Variants in CNTNAP4 observed in about 807,000 individuals in gnomAD.
The protein encoded by CNTNAP4 is contactin-associated protein-like 4.
Under a neutral mutation model 148.4 loss-of-function variants are expected in CNTNAP4, and 98 were observed. The ratio of observed to expected loss-of-function variants is 0.66; its 90% CI spans 0.56 to 0.78. The LOEUF is 0.78. Among genes scored for constraint, CNTNAP4 ranks in the 30% least tolerant of loss-of-function variants. The pLI is 0.00. For synonymous variants in CNTNAP4, 730 were observed against 565.1 expected, an observed-to-expected ratio of 1.29 and a Z score of -4.14; for missense variants, 1,935 against 1,565.6, an observed-to-expected ratio of 1.24 and a Z score of -3.98.
intron 21 of CNTNAP4, among the ~76,000 whole-genome samples, chr16:76,546,108 G>A (rs1041872357): frequency 8.5e-5 from 13 of 152,128 alleles, no homozygotes; most frequent in African/African-American, 2.9e-4. Context: ...AGGCACTGAT[G>A]ATAATATGTG....
chr16:76,492,821 A>C (rs1203827044), intron 13 of CNTNAP4, among the ~76,000 whole-genome samples: 1 of 152,174 alleles, frequency 6.6e-6, no homozygotes, highest in Non-Finnish European at 1.5e-5. Flanking sequence ...GAGTCCATCA[A>C]ACCTCTTTTC....
intron 3 of CNTNAP4, among the ~76,000 whole-genome samples, chr16:76,413,360 A>G (rs552114243): frequency 1.3e-5 from 2 of 151,364 alleles, no homozygotes; most frequent in Admixed American, 1.3e-4. Context: ...TCCAATGTGG[A>G]TATCCAATTT....
chr16:76,361,964 A>G (rs1189620413), intron 3 of CNTNAP4, among the ~76,000 whole-genome samples: 1 of 152,150 alleles, frequency 6.6e-6, no homozygotes, highest in Non-Finnish European at 1.5e-5. Context: ...GGTTATGTGT[A>G]TATCTTCTTT....
At chr16:76,407,277 C>T (rs565563155) in intron 3 of CNTNAP4, among the ~76,000 whole-genome samples, 1 of 152,200 alleles carries the variant, frequency 6.6e-6, no homozygotes, top group East Asian at 1.9e-4. Flanking sequence ...GCCTTGGCCT[C>T]CCAAAGTGCT....
chr16:76,418,833 T>A (rs1057387237), intron 3 of CNTNAP4, among the ~76,000 whole-genome samples: 2 of 151,938 alleles, frequency 1.3e-5, no homozygotes, highest in African/African-American at 4.8e-5. Context: ...GTTGTTAGTA[T>A]GAAGATTTAC....
intron 23 of CNTNAP4, among the ~76,000 whole-genome samples, chr16:76,554,760 A>G (rs2085120270): frequency 6.6e-6 from 1 of 151,736 alleles, no homozygotes; most frequent in Non-Finnish European, 1.5e-5. Context: ...ATGATTATTC[A>G]TATATGAAAT....
At chr16:76,444,550 T>A (rs2080165453) in intron 4 of CNTNAP4, among the ~76,000 whole-genome samples, 2 of 151,670 alleles carry the variant, frequency 1.3e-5, no homozygotes, top group Admixed American at 1.3e-4. Context: ...AGAATTGAAA[T>A]GCTCCTTCTC....
At chr16:76,551,947 G>A (rs1269450666) in intron 21 of CNTNAP4, among the ~76,000 whole-genome samples, 5 of 152,124 alleles carry the variant, frequency 3.3e-5, no homozygotes, top group Non-Finnish European at 5.9e-5. Context: ...GTATTAGTCC[G>A]TTCTCACACT....
chr16:76,401,922 A>T (rs1355261608), intron 3 of CNTNAP4, among the ~76,000 whole-genome samples: 1 of 152,122 alleles, frequency 6.6e-6, no homozygotes, highest in East Asian at 1.9e-4. Context: ...TGCTTTTTGA[A>T]GTGCTTCTGG....
At chr16:76,367,088 T>C (rs17617031) in intron 3 of CNTNAP4, among the ~76,000 whole-genome samples, 39,798 of 151,584 alleles carry the variant, frequency 0.26, 5,920 homozygotes, top group Non-Finnish European at 0.34. Flanking sequence ...TACTGGCACA[T>C]TAAAATATGG....
At chr16:76,334,663 T>C (rs1037245720) in intron 2 of CNTNAP4, among the ~76,000 whole-genome samples, 1 of 152,160 alleles carries the variant, frequency 6.6e-6, no homozygotes, top group African/African-American at 2.4e-5. Context: ...CATCTCATTA[T>C]TAATGTTATC....
chr16:76,284,701 A>G (rs1383513582), intron 1 of CNTNAP4, among the ~76,000 whole-genome samples: 1 of 151,960 alleles, frequency 6.6e-6, no homozygotes, highest in Admixed American at 6.6e-5. Context: ...TTAACACTTA[A>G]ATTTCTTCCA....
At chr16:76,461,878 G>A (rs2080976486) in intron 8 of CNTNAP4, 78 bp from the exon 9 acceptor site, 3 of 1,183,070 alleles carry the variant, frequency 2.5e-6, no homozygotes, top group Non-Finnish European at 3.7e-6. Flanking sequence ...ATTGAGTGAT[G>A]TGTATATTGC....
intron 4 of CNTNAP4, among the ~76,000 whole-genome samples, chr16:76,438,564 T>C (rs1236042944): frequency 2.0e-5 from 3 of 152,002 alleles, no homozygotes; most frequent in African/African-American, 7.2e-5. Context: ...AAAACCAAAA[T>C]AGACTTATCC....
At chr16:76,431,598 G>A (rs2079607123) in intron 4 of CNTNAP4, among the ~76,000 whole-genome samples, 1 of 152,124 alleles carries the variant, frequency 6.6e-6, no homozygotes, top group Non-Finnish European at 1.5e-5. Context: ...AGAATCACTT[G>A]AACCCAGGAA....
chr16:76,520,729 G>C (rs2083421268), intron 15 of CNTNAP4, among the ~76,000 whole-genome samples: 1 of 152,078 alleles, frequency 6.6e-6, no homozygotes, highest in African/African-American at 2.4e-5. Context: ...AAAATACTGT[G>C]AGCTTCTCTT....
intron 2 of CNTNAP4, among the ~76,000 whole-genome samples, chr16:76,330,273 T>A (rs958809928): frequency 7.2e-5 from 11 of 152,200 alleles, no homozygotes; most frequent in African/African-American, 2.7e-4. Context: ...TGATAAATTC[T>A]GTGTATTCAT....
chr16:76,443,254 T>A (rs2080112540), intron 4 of CNTNAP4, among the ~76,000 whole-genome samples: 1 of 152,180 alleles, frequency 6.6e-6, no homozygotes, highest in Admixed American at 6.5e-5. Flanking sequence ...TCCTCTTACA[T>A]CTTTAGACTG....
At chr16:76,497,567 C>T (rs940500418) in intron 14 of CNTNAP4, among the ~76,000 whole-genome samples, 1 of 151,728 alleles carries the variant, frequency 6.6e-6, no homozygotes, top group Admixed American at 6.6e-5. Flanking sequence ...AAGCTGGAAA[C>T]CATCATTCTC....
Sources: allele counts gnomAD v4.1 joint callset (sites outside exome capture counted in the v4.1 genomes callset), GRCh38; gene constraint gnomAD v4.1.1; transcripts MANE v1.5; gene names NCBI Gene and HGNC (gene_info 2026-07-23, HGNC 2026-07-21).